The following PARD3B variants were observed in gnomAD, a reference collection of about 807,000 sequenced individuals.
PARD3B encodes the protein partitioning defective 3 homolog B.
A neutral mutation model predicts 130.2 loss-of-function variants in PARD3B; 103 were observed. The ratio of observed to expected loss-of-function variants is 0.79; its 90% CI spans 0.67 to 0.93. PARD3B has a LOEUF of 0.93. Among genes scored for constraint, PARD3B ranks in the 40% least tolerant of loss-of-function variants. PARD3B has a pLI of 0.00. For synonymous variants in PARD3B, 583 were observed against 553.2 expected (o/e 1.05, Z -0.76); for missense variants, 1,609 against 1,499.2 (o/e 1.07, Z -1.21).
At chr2:205,206,685 A>G (rs2037332911) in intron 15 of PARD3B, among the ~76,000 whole-genome samples, 2 of 152,008 alleles carry the variant, frequency 1.3e-5, no homozygotes. Context: ...ATACGTGTGC[A>G]TGTGTCTTTA....
intron 2 of PARD3B, among the ~76,000 whole-genome samples, chr2:204,780,743 A>G (rs955704393): frequency 6.6e-6 from 1 of 152,158 alleles, no homozygotes; most frequent in Non-Finnish European, 1.5e-5. Context: ...ATATCTGTGC[A>G]GTTACAGAGA....
chr2:205,321,145 T>C lies in PARD3B; in HGVS notation c.2630+19444T>C, dbSNP rs927259002. Among the ~76,000 whole-genome samples the C allele has an allele frequency of 6.6e-6, 1 of 152,214 alleles. No homozygotes were observed. The highest frequency in any genetic ancestry group is 1.5e-5 in the Non-Finnish European group (1 of 68,038). ...AAACATTAATATAGTTTAGAGATGA[T>C]AGTTTTTGTAATATATGTTGCCAAT... On this transcript the variant is annotated intron_variant, in intron 18 of 22. Coordinates refer to ENST00000406610, the MANE Select transcript of PARD3B (RefSeq NM_001302769.2). This position sits in a 1 kb window ranked among gnomAD's most constrained non-coding sequence, Gnocchi z 4.2.
chr2:205,192,340 C>A lies in PARD3B; in HGVS notation c.2025-865C>A, dbSNP rs185039837. Among the ~76,000 whole-genome samples the A allele has an allele frequency of 1.8e-4, 27 of 152,188 alleles. 1 individual carries two copies. The highest frequency in any genetic ancestry group is 6.0e-4 in the African/African-American group (25 of 41,524). On this transcript the variant is annotated intron_variant, in intron 14 of 22. Transcript: ENST00000406610. ...TAAGGATACATGATTTGGATTTTCA[C>A]TATATTTGGGATTAGAATAGCAATT...
chr2:204,754,225 T>G, intron 2 of PARD3B, among the ~76,000 whole-genome samples: 1 of 152,136 alleles, frequency 6.6e-6, no homozygotes, highest in East Asian at 1.9e-4. Flanking sequence ...GGTGATTTGG[T>G]TGGTAGGGAT....
At chr2:204,611,148 T>G (rs2125116235) in intron 1 of PARD3B, among the ~76,000 whole-genome samples, 1 of 152,268 alleles carries the variant, frequency 6.6e-6, no homozygotes, top group Admixed American at 6.5e-5. Context: ...AGGGGAGTGG[T>G]TAGCTCAGCA....
intron 1 of PARD3B, among the ~76,000 whole-genome samples, chr2:204,655,960 A>T (rs1006990095): frequency 6.6e-6 from 1 of 152,072 alleles, no homozygotes; most frequent in Admixed American, 6.6e-5. Flanking sequence ...TTTAGAATAG[A>T]TGCAGCTAAG....
Position 204,582,503 on chromosome 2 carries a change from T to TCC in PARD3B, c.120+36391_120+36392dup, listed in dbSNP as rs5837926. 4.5e-3 allele frequency among the ~76,000 whole-genome samples: 675 copies of TCC among 151,666 alleles called. 6 individuals are homozygous for TCC. Among genetic ancestry groups the TCC allele is most frequent in the East Asian group, 0.018 (91 of 5,136 alleles). On this transcript the variant is annotated intron_variant, in intron 1 of 22. Coordinates refer to ENST00000406610, the MANE Select transcript of PARD3B (RefSeq NM_001302769.2). ...AGTTTGAGTGAAAATAGATTGAGGTTCCCCCCCCTCATTTCACACTATTAA... is the reference window on the plus strand; with the variant it reads ...AGTTTGAGTGAAAATAGATTGAGGTTCCCCCCCCCCTCATTTCACACTATTAA...
rs2034389257 is a variant in PARD3B at position 204,623,800 on chromosome 2, G to T, written c.121-62381G>T. On this transcript the variant is annotated intron_variant, in intron 1 of 22. Coordinates refer to ENST00000406610, the MANE Select transcript of PARD3B (RefSeq NM_001302769.2). This position sits in a 1 kb window ranked among gnomAD's most constrained non-coding sequence, Gnocchi z 4.5. ...ATGAAGAATTTATACCCATTGAATAGCAACTGCTTATTTCTCCCTGTCCCC... is the reference window on the plus strand; with the variant it reads ...ATGAAGAATTTATACCCATTGAATATCAACTGCTTATTTCTCCCTGTCCCC... Among the ~76,000 whole-genome samples the T allele has an allele frequency of 1.3e-5, 2 of 152,100 alleles. No homozygotes were observed. The highest frequency in any genetic ancestry group is 4.8e-5 in the African/African-American group (2 of 41,430).
chr2:204,942,891 T>C (rs1689018623), intron 2 of PARD3B, among the ~76,000 whole-genome samples: 1 of 152,082 alleles, frequency 6.6e-6, no homozygotes, highest in African/African-American at 2.4e-5. Context: ...GGGGCTTACT[T>C]GAGGAGGGAG....
At position 204,553,664 on chromosome 2, in the gene PARD3B, A is replaced by ATT. The variant is rs2030675674; in HGVS notation, c.120+7546_120+7547insTT. 2.4e-4 allele frequency among the ~76,000 whole-genome samples: 4 copies of ATT among 16,404 alleles called. No homozygotes were observed. In the South Asian group the frequency reaches 7.0e-3, roughly 29 times the overall value. The allele number at this position is 16,404 out of a possible 152,430, so 10.8% of individuals were successfully genotyped here. On this transcript the variant is annotated intron_variant, in intron 1 of 22. Coordinates refer to ENST00000406610, the MANE Select transcript of PARD3B (RefSeq NM_001302769.2). ...TTTATATATATCCATATATATATAT[A>ATT]TATATATATATATATATATATATAT...
intron 18 of PARD3B, among the ~76,000 whole-genome samples, chr2:205,339,050 G>T (rs572655478): frequency 6.6e-6 from 1 of 152,048 alleles, no homozygotes; most frequent in Non-Finnish European, 1.5e-5. Context: ...TGTAAAATTC[G>T]CTTGAAGTTT....
chr2:204,573,554 ACTT>A (rs2032106032), intron 1 of PARD3B, among the ~76,000 whole-genome samples: 1 of 152,084 alleles, frequency 6.6e-6, no homozygotes, highest in African/African-American at 2.4e-5. Context: ...TGTCCATACA[ACTT>A]CCCTGCCACA....
intron 1 of PARD3B, among the ~76,000 whole-genome samples, chr2:204,608,723 G>T (rs1273927127): frequency 6.6e-6 from 1 of 152,170 alleles, no homozygotes; most frequent in Non-Finnish European, 1.5e-5. Flanking sequence ...AATATCTGCT[G>T]TTACTCCCCC....
chr2:205,290,830 T>A (rs957979841), intron 16 of PARD3B, among the ~76,000 whole-genome samples: 18 of 152,144 alleles, frequency 1.2e-4, no homozygotes, highest in Non-Finnish European at 2.2e-4. Context: ...TTGAATAGGT[T>A]TAGTGCTCTT....
chr2:205,118,093 T>C (rs2030113738), intron 6 of PARD3B, among the ~76,000 whole-genome samples: 1 of 152,194 alleles, frequency 6.6e-6, no homozygotes, highest in South Asian at 2.1e-4. Flanking sequence ...TTTGGACAAC[T>C]CTTCCCAAAG....
chr2:204,899,096 C>T lies in PARD3B; in HGVS notation c.223-66056C>T, dbSNP rs534458396. Among the ~76,000 whole-genome samples, 99 of 151,988 alleles carry T rather than the reference C, an allele frequency of 6.5e-4. 1 individual carries two copies. The highest frequency in any genetic ancestry group is 2.4e-3 in the Admixed American group (36 of 15,268). On this transcript the variant is annotated intron_variant, in intron 2 of 22. Coordinates refer to ENST00000406610, the MANE Select transcript of PARD3B (RefSeq NM_001302769.2). ...ATGTCTTTTGATTGGAGAATTTAGCCCATTTACATTCAGTGTTATCATTGA... is the reference window on the plus strand; with the variant it reads ...ATGTCTTTTGATTGGAGAATTTAGCTCATTTACATTCAGTGTTATCATTGA...
At chr2:204,931,365 G>C (rs1575339266) in intron 2 of PARD3B, among the ~76,000 whole-genome samples, 1 of 151,974 alleles carries the variant, frequency 6.6e-6, no homozygotes, top group South Asian at 2.1e-4. Context: ...ATAGTGCCTG[G>C]CATATGAAAA....
At chr2:204,615,833 G>A (rs915604460) in intron 1 of PARD3B, among the ~76,000 whole-genome samples, 2 of 152,142 alleles carry the variant, frequency 1.3e-5, no homozygotes, top group Non-Finnish European at 2.9e-5. Context: ...TTGGAATGCA[G>A]CAGAAGTGCT....
intron 1 of PARD3B, among the ~76,000 whole-genome samples, chr2:204,552,165 G>GCAGT (rs1353912554): frequency 1.3e-5 from 2 of 152,166 alleles, no homozygotes; most frequent in Non-Finnish European, 2.9e-5. Context: ...CAGATCCCAG[G>GCAGT]CAGTCCTTAA....
Sources: allele counts gnomAD v4.1 joint callset (sites outside exome capture counted in the v4.1 genomes callset), GRCh38; gene constraint gnomAD v4.1.1; non-coding constraint Gnocchi (gnomAD v3.1); transcripts MANE v1.5; gene names NCBI Gene and HGNC (gene_info 2026-07-23, HGNC 2026-07-21).